LIPA: variants seen among roughly 807,000 people sequenced by gnomAD.
LIPA encodes lysosomal acid lipase/cholesteryl ester hydrolase.
LIPA carries 26 observed loss-of-function variants against 40.6 expected under a neutral mutation model. The observed-to-expected ratio is 0.64, with a 90% CI of 0.47 to 0.89. The LOEUF is 0.89. Ranked by LOEUF, LIPA falls within the 40% of genes least tolerant of loss-of-function variation. LIPA has a pLI of 0.00. For synonymous variants in LIPA, 188 were observed against 168.4 expected, an observed-to-expected ratio of 1.12 and a Z score of -0.90; for missense variants, 455 against 479.6, an observed-to-expected ratio of 0.95 and a Z score of 0.48.
At chr10:89,403,913 T>C (rs1212003556) in intron 2 of LIPA, 1 of 499,292 alleles carries the variant, frequency 2.0e-6, no homozygotes, top group Non-Finnish European at 3.5e-6. Context: ...AGAGAAATCA[T>C]TTGTATGAGT....
At chr10:89,314,274 C>T (rs115125622) in intron 1 of LIPA, among the ~76,000 whole-genome samples, 152 of 152,322 alleles carry the variant, frequency 1.0e-3, no homozygotes, top group African/African-American at 3.4e-3. Flanking sequence ...TACGCAGGAA[C>T]CTTACTGATT....
intron 1 of LIPA, among the ~76,000 whole-genome samples, chr10:89,279,276 C>T (rs1843304360): frequency 6.6e-6 from 1 of 152,204 alleles, no homozygotes; most frequent in East Asian, 1.9e-4. Context: ...CCTCTTATTC[C>T]TTCCCTCTTA....
chr10:89,348,630 C>A (rs1471634704), intron 2 of LIPA, among the ~76,000 whole-genome samples: 12 of 152,188 alleles, frequency 7.9e-5, no homozygotes. Context: ...ACGCTTAAGA[C>A]CCTATTTTTG....
At chr10:89,332,577 ATCAAC>A in intron 1 of LIPA, 1 of 1,614,058 alleles carries the variant, frequency 6.2e-7, no homozygotes, top group Non-Finnish European at 8.5e-7. Flanking sequence ...TAAAAACAAA[ATCAAC>A]CGGGACCCCA....
At chr10:89,324,796 G>A (rs181150358) in intron 1 of LIPA, among the ~76,000 whole-genome samples, 4 of 152,226 alleles carry the variant, frequency 2.6e-5, no homozygotes, top group African/African-American at 9.6e-5. Context: ...TCTGTCCTTT[G>A]TGATATTTTG....
chr10:89,413,766 CA>C (rs376455922), intron 1 of LIPA, among the ~76,000 whole-genome samples: 285 of 82,896 alleles, frequency 3.4e-3, no homozygotes, highest in Admixed American at 4.9e-3. Context: ...GACCCTGTCT[CA>C]AAAAAAAAAA....
rs771734969 is a variant in LIPA, at chr10:89,228,401, G to A, written c.230-3C>T. On this transcript the variant is annotated splice_polypyrimidine_tract_variant and splice_region_variant and intron_variant, in intron 3 of 9. Coordinates refer to ENST00000336233, the MANE Select transcript of LIPA (RefSeq NM_000235.4). ...CAGGAAGACAACTGGTTTGGGACCT[G>A]AAAAACATTCATTGTTTAGGAGGCA... The A allele has an allele frequency of 6.2e-7, 1 of 1,613,756 alleles. No individual in the cohort carries two copies. Among genetic ancestry groups the A allele is most frequent in the Non-Finnish European group, 8.5e-7 (1 of 1,179,784 alleles).
At chr10:89,362,647 C>A in intron 2 of LIPA, 4 of 500,824 alleles carry the variant, frequency 8.0e-6, no homozygotes. Flanking sequence ...CTGGCAGAAG[C>A]CCAGACTTAC....
chr10:89,229,739 G>A (rs1842817233), intron 3 of LIPA, among the ~76,000 whole-genome samples: 1 of 144,048 alleles, frequency 6.9e-6, no homozygotes, highest in Non-Finnish European at 1.5e-5. Context: ...GGGGACAGAG[G>A]GAGACTCAGT....
At chr10:89,225,252 C>T (rs976305063) in intron 5 of LIPA, 24 bp from the exon 6 acceptor site, 4 of 1,613,772 alleles carry the variant, frequency 2.5e-6, no homozygotes, top group South Asian at 2.2e-5. Context: ...GGACAGAAAA[C>T]AGGAATTCCA....
rs184194821 is a variant in LIPA at position 89,286,733 on chromosome 10, C to G, written c.-1-39084G>C. ...AATCTGCTCCCAACATTAAATAAAA[C>G]TCCAAAAATTAAATTCCGGCCCTCA... is the stretch of plus-strand genomic sequence containing the variant. On this transcript the variant is annotated intron_variant, in intron 1 of 5. Transcript: ENST00000282673. Among the ~76,000 whole-genome samples, 106 of 152,114 alleles carry G rather than the reference C, an allele frequency of 7.0e-4. 1 individual carries two copies. Among genetic ancestry groups the G allele is most frequent in the Non-Finnish European group, 1.4e-3 (93 of 67,976 alleles).
intron 2 of LIPA, chr10:89,402,463 A>G (rs1453555510): frequency 4.3e-6 from 7 of 1,614,088 alleles, no homozygotes; most frequent in Admixed American, 3.3e-5. Flanking sequence ...TATGTGAAAC[A>G]CCTGAAAGGC....
rs578154457 is a variant in LIPA at position 89,334,478 on chromosome 10, C to CTTTTTTTTTTTT, written c.-2+8121_-2+8132dup. ...TGTTTTTTCTTCTTTTTCTTTTATT[C>CTTTTTTTTTTTT]TTTTTTTTTTTTTTTTTTTTTTTTT... is the stretch of plus-strand genomic sequence containing the variant. On this transcript the variant is annotated intron_variant, in intron 1 of 5. Coordinates refer to the LIPA transcript ENST00000282673. 2.6e-3 allele frequency among the ~76,000 whole-genome samples: 65 copies of CTTTTTTTTTTTT among 25,334 alleles called. 1 individual carries two copies. The highest frequency in any genetic ancestry group is 3.5e-3 in the Non-Finnish European group (50 of 14,414). The allele number at this position is 25,334 out of a possible 152,430, so 16.6% of individuals were successfully genotyped here. A position where few individuals can be genotyped will look rare whatever the true frequency, so the allele number is the denominator to read the frequency against.
At chr10:89,225,793 G>A (rs1030013253) in intron 5 of LIPA, among the ~76,000 whole-genome samples, 5 of 152,136 alleles carry the variant, frequency 3.3e-5, no homozygotes, top group African/African-American at 1.2e-4. Context: ...GGAGATAATT[G>A]AATCACGGAG....
intron 1 of LIPA, chr10:89,339,326 C>CTGAAGGAGAGCAGTTTGT: frequency 6.2e-7 from 1 of 1,613,780 alleles, no homozygotes; most frequent in East Asian, 2.2e-5. Context: ...AATAAAGAAG[C>CTGAAGGAGAGCAGTTTGT]TGAAGGAGAG....
intron 2 of LIPA, among the ~76,000 whole-genome samples, chr10:89,377,680 T>C (rs964535024): frequency 2.0e-5 from 3 of 152,222 alleles, no homozygotes; most frequent in African/African-American, 7.2e-5. Flanking sequence ...GCTTCCATTG[T>C]AGACGTCCCT....
chr10:89,378,070 G>A lies in LIPA; in HGVS notation c.61+34721C>T, dbSNP rs900833402. The stretch of plus-strand genomic sequence containing the variant: ...TGAGAAGCCCTAGAACTCTGTGGAT[G>A]AACCTTGAAGGAGCCTCCAAGCCTG... On this transcript the variant is annotated intron_variant, in intron 2 of 8. Transcript: ENST00000371837. 15 of 1,582,528 alleles carry A rather than the reference G, an allele frequency of 9.5e-6. No homozygotes were observed. The African/African-American group carries it at 1.8e-4, about 18-fold the overall frequency.
At chr10:89,347,422 C>T (rs1467460632), upstream of LIPA, among the ~76,000 whole-genome samples, 1 of 152,180 alleles carries the variant, frequency 6.6e-6, no homozygotes, top group Non-Finnish European at 1.5e-5. Context: ...TAGTAAGCCA[C>T]CCATATCATT....
rs143585388 is a variant in LIPA, at chr10:89,250,783, T to C, written c.-2+954A>G. 9.2e-3 allele frequency among the ~76,000 whole-genome samples: 1,402 copies of C among 152,294 alleles called. 20 individuals carry two copies. The highest frequency in any genetic ancestry group is 0.032 in the African/African-American group (1,313 of 41,544). On this transcript the variant is annotated intron_variant, in intron 1 of 9. Transcript: ENST00000336233. Reference sequence around the variant, plus strand: ...CCAACACAACACTACATACTTAGTATGTTTTTCTCAACATACTAAGCCAAG... The same window carrying C: ...CCAACACAACACTACATACTTAGTACGTTTTTCTCAACATACTAAGCCAAG...
Sources: allele counts gnomAD v4.1 joint callset (sites outside exome capture counted in the v4.1 genomes callset), GRCh38; gene constraint gnomAD v4.1.1; transcripts MANE v1.5; gene names NCBI Gene and HGNC (gene_info 2026-07-23, HGNC 2026-07-21).